The following MYO7A variants were observed in gnomAD, a reference collection of about 807,000 sequenced individuals.
The protein encoded by MYO7A is myosin VIIA.
MYO7A carries 210 observed loss-of-function variants against 263.8 expected under a neutral mutation model. The ratio of observed to expected loss-of-function variants is 0.80; its 90% CI spans 0.71 to 0.89. The LOEUF is 0.89. Among genes scored for constraint, MYO7A ranks in the 40% least tolerant of loss-of-function variants. The pLI is 0.00. For synonymous variants in MYO7A, 1,239 were observed against 1,197.3 expected (o/e 1.03, Z -0.72); for missense variants, 2,820 against 2,968.3 (o/e 0.95, Z 1.16).
chr11:77,177,405 G>GGCCAGA, intron 18 of MYO7A, 144 bp from the exon 19 acceptor site: 1 of 668,186 alleles, frequency 1.5e-6, no homozygotes, highest in Non-Finnish European at 2.6e-6. Context: ...CTGCCCCAGG[G>GGCCAGA]GCCAGAGCCA....
intron 15 of MYO7A, among the ~76,000 whole-genome samples, chr11:77,171,393 G>A (rs1423731928): frequency 1.3e-5 from 2 of 152,186 alleles, no homozygotes; most frequent in East Asian, 1.9e-4. Context: ...AACGCCAGGG[G>A]CCACAGATCT....
At position 77,204,085 on chromosome 11, in the gene MYO7A, A is replaced by C. The variant is rs1350260477; in HGVS notation, c.5336A>C (p.Lys1779Thr). ...EACLAFIAVL[K>T]YMGDYPSKRT... ...CCTTGACAGTCCCCAGCTGTGCTCA[A>C]GTACATGGGCGACTACCCGTCCAAG... Residue 1779 changes from lysine to threonine, a missense_variant, in exon 39 of 49, where the codon AAG (lysine) becomes ACG (threonine). Transcript: ENST00000409709. The C allele has an allele frequency of 6.2e-7, 1 of 1,600,786 alleles. No homozygotes were observed. Among genetic ancestry groups the C allele is most frequent in the Non-Finnish European group, 8.5e-7 (1 of 1,173,898 alleles).
chr11:77,192,942 T>TGGA lies in MYO7A; in HGVS notation c.4152+667_4152+669dup, dbSNP rs1429102465. On this transcript the variant is annotated intron_variant, in intron 31 of 48. Coordinates refer to ENST00000409709, the MANE Select transcript of MYO7A (RefSeq NM_000260.4). ...GTAGTGATGGTGTTGTTTGTGATGG[T>TGGA]GGAGGTAGTGATGGTGTTGGTGATG... 6.3e-4 allele frequency among the ~76,000 whole-genome samples: 7 copies of TGGA among 11,102 alleles called. 1 individual carries two copies. Among genetic ancestry groups the TGGA allele is most frequent in the East Asian group, 4.8e-3 (2 of 416 alleles). 7.3% of individuals were successfully genotyped at this position (11,102 alleles called of 152,430 possible).
At chr11:77,177,135 G>A (rs968181093) in intron 18 of MYO7A, among the ~76,000 whole-genome samples, 10 of 152,150 alleles carry the variant, frequency 6.6e-5, no homozygotes, top group Non-Finnish European at 4.4e-5. Context: ...CCAGGAGGCC[G>A]CGAGACCTTT....
chr11:77,207,258 G>T lies in MYO7A; in HGVS notation c.5743-31G>T, dbSNP rs551917502. ...AGGACCAGGTCCCGGGAAAGGCCCT[G>T]CAGGAGCCCAGTGCTCACTGCCCCT... On this transcript the variant is annotated intron_variant, in intron 41 of 48. Coordinates refer to ENST00000409709, the MANE Select transcript of MYO7A (RefSeq NM_000260.4). 5.5e-5 allele frequency: 84 copies of T among 1,527,870 alleles called. No homozygotes were observed. The African/African-American group carries it at 6.8e-4, about 12-fold the overall frequency. 94.6% of individuals were successfully genotyped at this position (1,527,870 alleles called of 1,614,324 possible).
At chr11:77,184,462 G>A in intron 26 of MYO7A, 126 bp from the exon 27 acceptor site, 3 of 768,180 alleles carry the variant, frequency 3.9e-6, no homozygotes, top group Non-Finnish European at 6.4e-6. Context: ...GTGATGGGGA[G>A]CCCAGTTCTT....
chr11:77,158,195 T>C (rs1952674307), intron 8 of MYO7A, 82 bp from the exon 9 acceptor site: 1 of 1,431,176 alleles, frequency 7.0e-7, no homozygotes. Context: ...AGAAAGGGCC[T>C]TTTGGGCAGG....
At chr11:77,130,186 C>T (rs1950728692) in intron 1 of MYO7A, among the ~76,000 whole-genome samples, 2 of 152,278 alleles carry the variant, frequency 1.3e-5, no homozygotes, top group South Asian at 2.1e-4. Flanking sequence ...TTGTCACCCA[C>T]ATTCCTGGGG....
chr11:77,171,597 C>A (rs1413148435), intron 15 of MYO7A, among the ~76,000 whole-genome samples: 2 of 150,560 alleles, frequency 1.3e-5, no homozygotes, highest in African/African-American at 4.9e-5. Context: ...CTTTGTCCCC[C>A]CAAATACCTC....
intron 15 of MYO7A, among the ~76,000 whole-genome samples, chr11:77,166,876 C>A (rs1288672572): frequency 6.6e-6 from 1 of 152,162 alleles, no homozygotes; most frequent in Non-Finnish European, 1.5e-5. Context: ...GGTTTTGTGA[C>A]CCACCACATT....
chr11:77,174,874 A>C lies in MYO7A; in HGVS notation c.2054A>C (p.Tyr685Ser). ...RYSFVEFVER[Y>S]RVLLPGVKPA... ...AGCTTCGTAGAGTTTGTGGAGCGGTACCGTGTGCTGCTGCCAGGTGTGAAG... is the reference window on the plus strand; with the variant it reads ...AGCTTCGTAGAGTTTGTGGAGCGGTCCCGTGTGCTGCTGCCAGGTGTGAAG... The change falls in exon 17 of 49, where the codon TAC (tyrosine) becomes TCC (serine). Residue 685 changes from tyrosine (Y) to serine (S), a missense_variant. Tyr to Ser is a moderately radical substitution (Grantham distance 144). Transcript: ENST00000409709. 6.2e-7 allele frequency: 1 copy of C among 1,613,634 alleles called. No individual in the cohort carries two copies. Among genetic ancestry groups the C allele is most frequent in the East Asian group, 2.2e-5 (1 of 44,882 alleles).
chr11:77,192,600 G>A (rs907258756), intron 31 of MYO7A, among the ~76,000 whole-genome samples: 1 of 152,174 alleles, frequency 6.6e-6, no homozygotes, highest in Non-Finnish European at 1.5e-5. Flanking sequence ...TATCTAGTAA[G>A]CGCTGCATTA....
At chr11:77,198,763 G>T in intron 34 of MYO7A, 142 bp downstream of exon 34, 1 of 1,297,024 alleles carries the variant, frequency 7.7e-7, no homozygotes. Context: ...GCACTGTGCA[G>T]ACCCCTCTGG....
chr11:77,178,171 G>A (rs117796469), intron 19 of MYO7A, among the ~76,000 whole-genome samples: 93 of 1,572 alleles, frequency 0.059, no homozygotes, highest in Non-Finnish European at 0.11. Flanking sequence ...CTATCCATCC[G>A]TCCGTTCACC....
chr11:77,173,132 G>A (rs561395914), intron 16 of MYO7A, among the ~76,000 whole-genome samples: 17 of 152,324 alleles, frequency 1.1e-4, no homozygotes, highest in South Asian at 2.1e-4. Flanking sequence ...ACAAGTGGGC[G>A]ACTGCAGACA....
chr11:77,161,431 G>A lies in MYO7A; in HGVS notation c.1343+316G>A, dbSNP rs1001400159. Among the ~76,000 whole-genome samples the A allele has an allele frequency of 4.5e-4, 69 of 152,312 alleles. 1 individual carries two copies. The highest frequency in any genetic ancestry group is 1.6e-3 in the African/African-American group (66 of 41,560). On this transcript the variant is annotated intron_variant, in intron 12 of 48. Transcript: ENST00000409709. ...CATGCTGCAAGGCGCCTCAAAGCAG[G>A]GAGGCCAGGCCTGTGCCACGCTTGT...
Position 77,160,044 on chromosome 11 carries a change from G to A in MYO7A, c.1081-119G>A, listed in dbSNP as rs1198582318. 12 of 1,425,634 alleles carry A rather than the reference G, an allele frequency of 8.4e-6. No individual in the cohort carries two copies. The East Asian group carries it at 2.8e-4, about 33-fold the overall frequency. The allele number at this position is 1,425,634 out of a possible 1,614,324, so 88.3% of individuals were successfully genotyped here. A position where few individuals can be genotyped will look rare whatever the true frequency, so the allele number is the denominator to read the frequency against. ...GATTTGGCCGTGGGCCCTGGGGCAG[G>A]CGTGCTTAGTGGAGGCAGTGGTCTG... On this transcript the variant is annotated intron_variant, in intron 10 of 48. Transcript: ENST00000409709.
At chr11:77,167,993 C>T (rs1591318550) in intron 15 of MYO7A, among the ~76,000 whole-genome samples, 2 of 152,204 alleles carry the variant, frequency 1.3e-5, no homozygotes, top group African/African-American at 2.4e-5. Context: ...AGTCCCCACC[C>T]GAAAGCCCTG....
At chr11:77,158,499 G>GTGGTAT in intron 9 of MYO7A, 69 bp downstream of exon 9, 1 of 1,530,370 alleles carries the variant, frequency 6.5e-7, no homozygotes, top group Non-Finnish European at 8.8e-7. Context: ...TGCTGCCCAC[G>GTGGTAT]TGGTATTGGC....
Sources: allele counts gnomAD v4.1 joint callset (sites outside exome capture counted in the v4.1 genomes callset), GRCh38; gene constraint gnomAD v4.1.1; transcripts MANE v1.5; gene names NCBI Gene and HGNC (gene_info 2026-07-23, HGNC 2026-07-21).